Variants in DGKI observed in about 807,000 individuals in gnomAD.
DGKI encodes diacylglycerol kinase iota, also known as DAG kinase iota.
A neutral mutation model predicts 147.5 loss-of-function variants in DGKI; 55 were observed. That is an observed-to-expected ratio of 0.37 (90% confidence interval 0.30 to 0.47). The LOEUF (loss-of-function observed/expected upper bound fraction) is 0.47. DGKI is among the 20% of genes least tolerant of loss of function. The pLI, the probability that DGKI is intolerant of heterozygous loss-of-function variation, is 1.00. For synonymous variants in DGKI, 469 were observed against 477.1 expected, an observed-to-expected ratio of 0.98 and a Z score of 0.22; for missense variants, 1,007 against 1,323.8, an observed-to-expected ratio of 0.76 and a Z score of 3.71.
intron 3 of DGKI, among the ~76,000 whole-genome samples, chr7:137,674,446 A>G (rs978103293): frequency 2.6e-5 from 4 of 152,178 alleles, no homozygotes; most frequent in Admixed American, 2.0e-4. Context: ...CTAATGTCCC[A>G]TAAGCTAGGG....
chr7:137,605,729 T>C (rs763815116), intron 10 of DGKI, among the ~76,000 whole-genome samples: 15 of 152,208 alleles, frequency 9.9e-5, no homozygotes, highest in East Asian at 1.9e-4. Context: ...AATTGACATG[T>C]TCTCACTCAT....
intron 1 of DGKI, among the ~76,000 whole-genome samples, chr7:137,756,226 G>A (rs1279337877): frequency 6.6e-6 from 1 of 152,158 alleles, no homozygotes; most frequent in African/African-American, 2.4e-5. Context: ...CCAGACAGGA[G>A]ATAATATGCC....
intron 19 of DGKI, among the ~76,000 whole-genome samples, chr7:137,568,580 G>A (rs1051788826): frequency 6.6e-6 from 1 of 152,228 alleles, no homozygotes; most frequent in African/African-American, 2.4e-5. Flanking sequence ...TCAAGGTGAA[G>A]TGGGCAGTCG....
chr7:137,403,619 C>T (rs144375769), intron 30 of DGKI, among the ~76,000 whole-genome samples: 18 of 152,294 alleles, frequency 1.2e-4, no homozygotes, highest in South Asian at 4.1e-4. Flanking sequence ...AGCTGTGCAC[C>T]TGGCAAAGAG....
intron 6 of DGKI, among the ~76,000 whole-genome samples, chr7:137,638,641 TGTGTATGTATATAC>T (rs2129005271): frequency 1.1e-4 from 1 of 9,326 alleles, no homozygotes; most frequent in East Asian, 0.029. Flanking sequence ...TGTGTATATA[TGTGTATGTATATAC>T]ACACATATGT....
intron 1 of DGKI, among the ~76,000 whole-genome samples, chr7:137,711,206 G>C (rs1399293574): frequency 2.6e-5 from 4 of 152,068 alleles, no homozygotes; most frequent in African/African-American, 9.7e-5. Flanking sequence ...TGTTCTATAG[G>C]AATATTGAAG....
intron 30 of DGKI, among the ~76,000 whole-genome samples, chr7:137,400,188 AG>A: frequency 6.6e-6 from 1 of 152,324 alleles, no homozygotes. Flanking sequence ...AGCTGCCAAC[AG>A]GGCACTCTTC....
chr7:137,749,915 G>C (rs1324653861), intron 1 of DGKI, among the ~76,000 whole-genome samples: 3 of 152,178 alleles, frequency 2.0e-5, no homozygotes, highest in Admixed American at 2.0e-4. Context: ...GCCTATGGGT[G>C]GGATCCAGGA....
At chr7:137,801,673 G>T (rs1227911416) in intron 1 of DGKI, among the ~76,000 whole-genome samples, 1 of 152,196 alleles carries the variant, frequency 6.6e-6, no homozygotes, top group Non-Finnish European at 1.5e-5. Context: ...TGATGTATAA[G>T]ATTCCATATC....
chr7:137,507,384 CT>C (rs1816403131), intron 21 of DGKI, among the ~76,000 whole-genome samples: 1 of 152,110 alleles, frequency 6.6e-6, no homozygotes, highest in Admixed American at 6.6e-5. Flanking sequence ...TTTCCAGAAA[CT>C]AACAGGTTCT....
chr7:137,397,930 C>A (rs1811611598), intron 30 of DGKI, among the ~76,000 whole-genome samples: 1 of 152,198 alleles, frequency 6.6e-6, no homozygotes, highest in African/African-American at 2.4e-5. Context: ...ACTATAGATG[C>A]ATCCTTAGGA....
At chr7:137,529,485 T>A (rs1817266568) in intron 20 of DGKI, among the ~76,000 whole-genome samples, 1 of 152,116 alleles carries the variant, frequency 6.6e-6, no homozygotes, top group South Asian at 2.1e-4. Flanking sequence ...TTCTAGAGTG[T>A]GTTTTCTGTT....
At chr7:137,480,331 C>CT (rs1366822156) in intron 23 of DGKI, among the ~76,000 whole-genome samples, 3 of 152,140 alleles carry the variant, frequency 2.0e-5, no homozygotes, top group East Asian at 3.9e-4. Flanking sequence ...TTGTCCCACT[C>CT]TATCTATTGA....
chr7:137,837,506 T>C (rs1398014363), intron 1 of DGKI, among the ~76,000 whole-genome samples: 5 of 152,174 alleles, frequency 3.3e-5, no homozygotes, highest in Admixed American at 3.3e-4. Flanking sequence ...AAAAGTCACA[T>C]GTTGAAATTA....
intron 12 of DGKI, among the ~76,000 whole-genome samples, chr7:137,592,925 T>A (rs1819665557): frequency 6.6e-6 from 1 of 152,198 alleles, no homozygotes; most frequent in Admixed American, 6.5e-5. Context: ...ACTGTGTGCT[T>A]ACTCAGTGAG....
chr7:137,642,806 T>C (rs1821677040), intron 6 of DGKI, among the ~76,000 whole-genome samples: 1 of 151,788 alleles, frequency 6.6e-6, no homozygotes. Flanking sequence ...AAACACTCTT[T>C]AACCATAAAC....
intron 23 of DGKI, among the ~76,000 whole-genome samples, chr7:137,481,514 A>T (rs909197163): frequency 1.9e-4 from 29 of 152,148 alleles, no homozygotes; most frequent in Admixed American, 9.8e-4. Flanking sequence ...ATTAGGATGG[A>T]GGGGCCTTTG....
chr7:137,565,790 T>C (rs1051801644), intron 19 of DGKI, among the ~76,000 whole-genome samples: 3 of 152,156 alleles, frequency 2.0e-5, no homozygotes, highest in Non-Finnish European at 4.4e-5. Context: ...CAATGTCTGA[T>C]TATGGTCTGT....
At chr7:137,765,409 G>A (rs1387460613) in intron 1 of DGKI, among the ~76,000 whole-genome samples, 2 of 151,856 alleles carry the variant, frequency 1.3e-5, no homozygotes, top group Non-Finnish European at 2.9e-5. Context: ...TTTTGTTTTT[G>A]TCATCGATTA....
Sources: allele counts gnomAD v4.1 joint callset (sites outside exome capture counted in the v4.1 genomes callset), GRCh38; gene constraint gnomAD v4.1.1; transcripts MANE v1.5; gene names NCBI Gene and HGNC (gene_info 2026-07-23, HGNC 2026-07-21).